The following KMT2A variants were observed in gnomAD, a reference collection of about 807,000 sequenced individuals.
The protein encoded by KMT2A is histone-lysine N-methyltransferase 2A.
Under a neutral mutation model 345.3 loss-of-function variants are expected in KMT2A, and 16 were observed. That is an observed-to-expected ratio of 0.05 (90% CI 0.03 to 0.07). KMT2A has a LOEUF of 0.07. KMT2A is among the 10% of genes least tolerant of loss of function. The pLI, the probability that KMT2A is intolerant of heterozygous loss-of-function variation, is 1.00. For missense variants in KMT2A, 3,272 were observed against 4,841.6 expected (o/e 0.68, Z 9.62); for synonymous variants, 1,599 against 1,778.6 (o/e 0.90, Z 2.54).
At chr11:118,512,294 C>T (rs556639970) in intron 31 of KMT2A, 83 of 476,020 alleles carry the variant, frequency 1.7e-4, no homozygotes, top group African/African-American at 1.4e-3. Flanking sequence ...CATTAGCAGT[C>T]ATTCCTCAGC....
chr11:118,464,783 G>A (rs1337469283), intron 1 of KMT2A, among the ~76,000 whole-genome samples: 2 of 152,210 alleles, frequency 1.3e-5, no homozygotes, highest in Non-Finnish European at 2.9e-5. Flanking sequence ...AAGTGGTCCA[G>A]TCAAAGCAAA....
Position 118,481,922 on chromosome 11 carries a change from C to G in KMT2A, c.3842C>G (p.Pro1281Arg). Residue 1281 changes from proline to arginine, a missense_variant, in exon 7 of 36, where the codon CCT (proline) becomes CGT (arginine). Pro to Arg is a moderately radical substitution (Grantham distance 103). This residue lies in a region of KMT2A where 168 missense variants were observed against 216.0 expected (regional missense o/e 0.78). Transcript: ENST00000534358. Reference sequence around the variant, plus strand: ...GAAGGGAATGTCTCGGCCCCTGGGCCTGAATCCAAACAGGCCACCACTCCA... The same window carrying G: ...GAAGGGAATGTCTCGGCCCCTGGGCGTGAATCCAAACAGGCCACCACTCCA... ...SEEGNVSAPG[P>R]ESKQATTPAS... The G allele has an allele frequency of 6.2e-7, 1 of 1,614,184 alleles. No homozygotes were observed. Among genetic ancestry groups the G allele is most frequent in the Non-Finnish European group, 8.5e-7 (1 of 1,180,052 alleles).
In KMT2A at chr11:118,522,017, A is replaced by C; in HGVS notation, c.11764A>C (p.Asn3922His). 6.2e-7 allele frequency: 1 copy of C among 1,614,194 alleles called. No homozygotes were observed. Among genetic ancestry groups the C allele is most frequent in the Non-Finnish European group, 8.5e-7 (1 of 1,180,046 alleles). Residue 3922 changes from asparagine (N) to histidine (H), a missense_variant, in exon 36 of 36, where the codon AAT becomes CAT. Physicochemically the swap from Asn to His is moderately conservative, Grantham distance 68. This residue lies in a region of KMT2A where 78 missense variants were observed against 254.5 expected (regional missense o/e 0.31). Coordinates refer to ENST00000534358, the MANE Select transcript of KMT2A (RefSeq NM_001197104.2). This position sits in a 1 kb window ranked among gnomAD's most constrained non-coding sequence, Gnocchi z 5.4. ...GCCTAACTGCTATTCTCGGGTCATCAATATTGATGGGCAGAAGCACATTGT... is the reference window on the plus strand; with the variant it reads ...GCCTAACTGCTATTCTCGGGTCATCCATATTGATGGGCAGAAGCACATTGT... Reference protein sequence around the residue: ...CEPNCYSRVINIDGQKHIVIF... With the variant: ...CEPNCYSRVIHIDGQKHIVIF...
At position 118,494,436 on chromosome 11, in the gene KMT2A, C is replaced by A; in HGVS notation, c.5289+38C>A. The stretch of plus-strand genomic sequence containing the variant: ...ACTAATTCATGTTTTTAATGCTTAC[C>A]TATAAGTAATTACCCTGTGAATACA... On this transcript the variant is annotated intron_variant, in intron 17 of 35. Transcript: ENST00000534358. The surrounding 1 kb of genome is among the most constrained non-coding windows in gnomAD (Gnocchi z 5.8). The A allele has an allele frequency of 9.0e-7, 1 of 1,110,872 alleles. No individual in the cohort carries two copies. The highest frequency in any genetic ancestry group is 1.4e-6 in the Non-Finnish European group (1 of 728,160). 68.8% of individuals were successfully genotyped at this position (1,110,872 alleles called of 1,614,324 possible). A position where few individuals can be genotyped will look rare whatever the true frequency, so the allele number is the denominator to read the frequency against.
Position 118,494,307 on chromosome 11 carries a change from T to C in KMT2A, c.5198T>C (p.Ile1733Thr), listed in dbSNP as rs1555043339. ...YTSVLEFSDD[I>T]VKIIQAAINS... ...ATACAGTTGGAGTTCAGTGATGATA[T>C]TGTGAAGATCATTCAAGCAGCCATT... The change falls in exon 17 of 36, where the codon ATT becomes ACT. Residue 1733 changes from isoleucine (I) to threonine (T), a missense_variant. This residue lies in a region of KMT2A where 235 missense variants were observed against 503.4 expected (regional missense o/e 0.47). Coordinates refer to ENST00000534358, the MANE Select transcript of KMT2A (RefSeq NM_001197104.2). This position sits in a 1 kb window ranked among gnomAD's most constrained non-coding sequence, Gnocchi z 5.8. 6.3e-7 allele frequency: 1 copy of C among 1,593,954 alleles called. No homozygotes were observed. The highest frequency in any genetic ancestry group is 8.6e-7 in the Non-Finnish European group (1 of 1,161,776).
In KMT2A at chr11:118,498,974, A is replaced by C. The variant is rs782666041; in HGVS notation, c.5962-329A>C. 2.1e-4 allele frequency among the ~76,000 whole-genome samples: 32 copies of C among 152,228 alleles called. No homozygotes were observed. Among genetic ancestry groups the C allele is most frequent in the Non-Finnish European group, 1.0e-4 (7 of 68,044 alleles). On this transcript the variant is annotated intron_variant, in intron 22 of 35. Transcript: ENST00000534358. The surrounding 1 kb of genome is among the most constrained non-coding windows in gnomAD (Gnocchi z 4.4). Reference sequence around the variant, plus strand: ...TGCAGAGTTTCACATAGTTGGAATCATATAGTACATAGCCTTTTCAGACTG... The same window carrying C: ...TGCAGAGTTTCACATAGTTGGAATCCTATAGTACATAGCCTTTTCAGACTG...
rs1426591938 is a variant in KMT2A at position 118,479,887 on chromosome 11, G to C, written c.3570-287G>C. Among the ~76,000 whole-genome samples, 4 of 152,138 alleles carry C rather than the reference G, an allele frequency of 2.6e-5. 1 individual carries two copies. Among genetic ancestry groups the C allele is most frequent in the Admixed American group, 2.6e-4 (4 of 15,272 alleles). On this transcript the variant is annotated intron_variant, in intron 5 of 35. Transcript: ENST00000534358. ...GATGCGACTACAAGAAATACTGACTGATCATTTTCTGTGTGGTGCTAGTCA... is the reference window on the plus strand; with the variant it reads ...GATGCGACTACAAGAAATACTGACTCATCATTTTCTGTGTGGTGCTAGTCA...
chr11:118,460,821 C>T (rs894508952), intron 1 of KMT2A, among the ~76,000 whole-genome samples: 9 of 152,128 alleles, frequency 5.9e-5, no homozygotes, highest in Non-Finnish European at 7.4e-5. Context: ...CGCACACCAC[C>T]ATACCCAGCT....
In KMT2A at chr11:118,482,503, G is replaced by C. The variant is rs200865931; in HGVS notation, c.4086+8G>C. 158 of 1,597,090 alleles carry C rather than the reference G, an allele frequency of 9.9e-5. No homozygotes were observed. In the Middle Eastern group the frequency reaches 7.0e-3, roughly 70 times the overall value. On this transcript the variant is annotated splice_region_variant and intron_variant, in intron 8 of 35. Coordinates refer to ENST00000534358, the MANE Select transcript of KMT2A (RefSeq NM_001197104.2). ...CAAAAACCAAAAGAAAAGGTGAGGA[G>C]AGATTTGTTTCTCTGCCATTTCTCA... is the stretch of plus-strand genomic sequence containing the variant.
In KMT2A at chr11:118,503,393, C is replaced by T. The variant is rs1555046621; in HGVS notation, c.7501C>T (p.Pro2501Ser). 1 of 1,613,894 alleles carries T rather than the reference C, an allele frequency of 6.2e-7. No homozygotes were observed. Among genetic ancestry groups the T allele is most frequent in the Non-Finnish European group, 8.5e-7 (1 of 1,179,966 alleles). ...TAAAGGCCTTTCTATGCCAGGAGTC[C>T]CCAAAGCTCCACCCATGCAAGTAGA... Reference protein sequence around the residue: ...GDKGLSMPGVPKAPPMQVEGS... With the variant: ...GDKGLSMPGVSKAPPMQVEGS... The change falls in exon 27 of 36, where the codon CCC becomes TCC. Residue 2501 changes from proline to serine, a missense_variant. This residue lies in a region of KMT2A where 445 missense variants were observed against 500.9 expected (regional missense o/e 0.89). Coordinates refer to ENST00000534358, the MANE Select transcript of KMT2A (RefSeq NM_001197104.2). The surrounding 1 kb of genome is among the most constrained non-coding windows in gnomAD (Gnocchi z 5.3).
chr11:118,451,652 G>A (rs1555028953), intron 1 of KMT2A, among the ~76,000 whole-genome samples: 1 of 146,442 alleles, frequency 6.8e-6, no homozygotes, highest in Non-Finnish European at 1.5e-5. Context: ...GCCTCCCAAA[G>A]TGAATTTTTT....
At position 118,505,408 on chromosome 11, in the gene KMT2A, T is replaced by G; in HGVS notation, c.9516T>G (p.Thr3172=). 6.2e-7 allele frequency: 1 copy of G among 1,614,188 alleles called. No homozygotes were observed. Among genetic ancestry groups the G allele is most frequent in the Non-Finnish European group, 8.5e-7 (1 of 1,180,034 alleles). Reference sequence around the variant, plus strand: ...ACTTACATTCCTTCCCTGCAGCTACTCAAAGTAGTTTCCCACCAAACATCA... The same window carrying G: ...ACTTACATTCCTTCCCTGCAGCTACGCAAAGTAGTTTCCCACCAAACATCA... ...HQHLHSFPAA[T]QSSFPPNISN... is the part of the protein sequence containing the mutation. The change falls in exon 27 of 36, where the codon ACT becomes ACG. Residue 3172 remains threonine, a synonymous_variant. Transcript: ENST00000534358. The surrounding 1 kb of genome is among the most constrained non-coding windows in gnomAD (Gnocchi z 4.6).
intron 31 of KMT2A, among the ~76,000 whole-genome samples, chr11:118,513,965 GA>G (rs1339556842): frequency 3.0e-5 from 4 of 132,148 alleles, no homozygotes; most frequent in South Asian, 2.5e-4. Flanking sequence ...AAAAGAAAAA[GA>G]AAAAAAAGTC....
chr11:118,496,120 T>G lies in KMT2A; in HGVS notation c.5558-141T>G, dbSNP rs1457422694. The G allele has an allele frequency of 2.5e-5, 18 of 727,982 alleles. No individual in the cohort carries two copies. Among genetic ancestry groups the G allele is most frequent in the Non-Finnish European group, 3.5e-5 (15 of 429,466 alleles). The allele number at this position is 727,982 out of a possible 1,614,324, so 45.1% of individuals were successfully genotyped here. A position where few individuals can be genotyped will look rare whatever the true frequency, so the allele number is the denominator to read the frequency against. The stretch of plus-strand genomic sequence containing the variant: ...CATAGATGATGAGGTAGCGTAACTC[T>G]GAACACTTTTTGAAAAGTGGTTATT... On this transcript the variant is annotated intron_variant, in intron 19 of 35. Coordinates refer to ENST00000534358, the MANE Select transcript of KMT2A (RefSeq NM_001197104.2). This position sits in a 1 kb window ranked among gnomAD's most constrained non-coding sequence, Gnocchi z 4.7.
Position 118,490,346 on chromosome 11 carries a change from C to T in KMT2A, c.4696+97C>T. 7.8e-7 allele frequency: 1 copy of T among 1,287,462 alleles called. No individual in the cohort carries two copies. Among genetic ancestry groups the T allele is most frequent in the Non-Finnish European group, 1.0e-6 (1 of 962,488 alleles). 79.8% of individuals were successfully genotyped at this position (1,287,462 alleles called of 1,614,324 possible). On this transcript the variant is annotated intron_variant, in intron 13 of 35. Transcript: ENST00000534358. The surrounding 1 kb of genome is among the most constrained non-coding windows in gnomAD (Gnocchi z 4.2). The stretch of plus-strand genomic sequence containing the variant: ...GTGAAATGAAATAAAAAGTCTCACA[C>T]ATTATGTCAAGGATACCATTTAGAC...
rs782064249 is a variant in KMT2A at position 118,499,374 on chromosome 11, G to A, written c.6033G>A (p.Arg2011=). The A allele has an allele frequency of 4.3e-6, 7 of 1,610,050 alleles. No individual in the cohort carries two copies. In the South Asian group the frequency reaches 7.7e-5, roughly 18 times the overall value. The change falls in exon 23 of 36, where the codon AGG becomes AGA. Residue 2011 remains arginine, a synonymous_variant. Transcript: ENST00000534358. The stretch of plus-strand genomic sequence containing the variant: ...ACTTTGAAGGAATCAGCTTGAGAAG[G>A]AAGTTTCTCAATGGCTTGGAACCAG... ...FVDFEGISLR[R]KFLNGLEPEN... is the part of the protein sequence containing the mutation.
intron 1 of KMT2A, chr11:118,439,158 C>CAAAAAAAAAAAAAA: frequency 1.1e-5 from 3 of 265,450 alleles, no homozygotes; most frequent in East Asian, 9.3e-5. Context: ...GATACAGCAG[C>CAAAAAAAAAAAAAA]AAAAAAAAAA....
chr11:118,523,608 A>T lies in KMT2A; in HGVS notation c.*1436A>T. On this transcript the variant is annotated 3_prime_UTR_variant, in exon 36 of 36. Coordinates refer to ENST00000534358, the MANE Select transcript of KMT2A (RefSeq NM_001197104.2). ...TATATTTTTCTATGAGAAGCACTTC[A>T]TAGGGAGAAGCACTTATGACAAGGC... 4.4e-6 allele frequency: 1 copy of T among 228,212 alleles called. No homozygotes were observed. The highest frequency in any genetic ancestry group is 8.7e-6 in the Non-Finnish European group (1 of 114,708). The allele number at this position is 228,212 out of a possible 1,614,324, so 14.1% of individuals were successfully genotyped here. A position where few individuals can be genotyped will look rare whatever the true frequency, so the allele number is the denominator to read the frequency against.
intron 24 of KMT2A, 44 bp from the exon 25 acceptor site, chr11:118,500,943 C>G (rs1271768688): frequency 2.0e-6 from 3 of 1,521,930 alleles, no homozygotes; most frequent in South Asian, 1.2e-5. Context: ...GTTTCTGCTT[C>G]TATCCTCTCC....
Sources: allele counts gnomAD v4.1 joint callset (sites outside exome capture counted in the v4.1 genomes callset), GRCh38; gene constraint gnomAD v4.1.1; regional missense constraint gnomAD v4.1.1; non-coding constraint Gnocchi (gnomAD v3.1); transcripts MANE v1.5; gene names NCBI Gene and HGNC (gene_info 2026-07-23, HGNC 2026-07-21).